APP: variants seen among roughly 807,000 people sequenced by gnomAD.
APP encodes the protein amyloid-beta precursor protein.
A neutral mutation model predicts 101.4 loss-of-function variants in APP; 31 were observed. The ratio of observed to expected loss-of-function variants is 0.31; its 90% CI spans 0.23 to 0.41. APP has a LOEUF of 0.41. Ranked by LOEUF, APP falls within the 10% of genes least tolerant of loss-of-function variation. The probability of loss-of-function intolerance (pLI) is 1.00; values close to 1 mark genes in which losing one functional copy is unlikely to be tolerated. For synonymous variants in APP, 366 were observed against 364.4 expected (o/e 1.00, Z -0.05); for missense variants, 839 against 1,003.7 (o/e 0.84, Z 2.22).
At chr21:26,121,410 C>CG (rs1055918342) in intron 1 of APP, among the ~76,000 whole-genome samples, 1 of 151,392 alleles carries the variant, frequency 6.6e-6, no homozygotes, top group Non-Finnish European at 1.5e-5. Flanking sequence ...TTTTTGGAGA[C>CG]GGAGTCTCAC....
At chr21:26,023,627 C>T (rs2044445031) in intron 5 of APP, among the ~76,000 whole-genome samples, 1 of 152,118 alleles carries the variant, frequency 6.6e-6, no homozygotes, top group Admixed American at 6.6e-5. Flanking sequence ...TGCTTGAGCC[C>T]AGGAGTTCGA....
chr21:26,141,848 G>A (rs1043249972), intron 1 of APP, among the ~76,000 whole-genome samples: 1 of 152,196 alleles, frequency 6.6e-6, no homozygotes, highest in African/African-American at 2.4e-5. Context: ...TTTCACAAAT[G>A]AAGCATTCAA....
intron 3 of APP, among the ~76,000 whole-genome samples, chr21:26,077,416 C>T (rs1390806217): frequency 2.0e-5 from 3 of 152,102 alleles, no homozygotes; most frequent in South Asian, 2.1e-4. Context: ...CATACTTAGG[C>T]GTATTTTTAT....
chr21:26,053,139 C>A (rs1031605039), intron 4 of APP, 97 bp downstream of exon 4: 5 of 919,348 alleles, frequency 5.4e-6, no homozygotes, highest in Non-Finnish European at 9.1e-6. Context: ...AATAACTTAT[C>A]AACATAGCTG....
chr21:25,988,702 C>CAAAAAAAAAAAAAAA lies in APP; in HGVS notation c.1091-6240_1091-6226dup, dbSNP rs537417600. Among the ~76,000 whole-genome samples, 69 of 62,338 alleles carry CAAAAAAAAAAAAAAA rather than the reference C, an allele frequency of 1.1e-3. 2 individuals are homozygous for CAAAAAAAAAAAAAAA. The highest frequency in any genetic ancestry group is 9.3e-3 in the Middle Eastern group (1 of 108). The allele number at this position is 62,338 out of a possible 152,430, so 40.9% of individuals were successfully genotyped here. ...GGGTGATAACAGCGAAACTCTGTCTCAAAAAAAAAAAAAAAAAAAAAGGAG... is the reference window on the plus strand; with the variant it reads ...GGGTGATAACAGCGAAACTCTGTCTCAAAAAAAAAAAAAAAAAAAAAAAAAAAAAAAAAAAAGGAG... On this transcript the variant is annotated intron_variant, in intron 8 of 17. Transcript: ENST00000346798.
Position 25,975,098 on chromosome 21 carries a change from A to T in APP, c.1430T>A (p.Ile477Asn). 1 of 1,613,930 alleles carries T rather than the reference A, an allele frequency of 6.2e-7. No individual in the cohort carries two copies. The highest frequency in any genetic ancestry group is 1.1e-5 in the South Asian group (1 of 91,060). Residue 477 changes from isoleucine to asparagine, a missense_variant, in exon 11 of 18, where the codon ATC (isoleucine) becomes AAC (asparagine). Transcript: ENST00000346798. ...AGGAGGAACAGCCTGCAGAGCGGTG[A>T]TGTAGTTCTCCAGGGCCAGGCGGCG... is the stretch of plus-strand genomic sequence containing the variant. ...DRRRLALENY[I>N]TALQAVPPRP...
chr21:25,976,396 T>G (rs1188621294), intron 9 of APP, among the ~76,000 whole-genome samples: 2 of 152,158 alleles, frequency 1.3e-5, no homozygotes, highest in African/African-American at 4.8e-5. Context: ...ACACCTAAGT[T>G]TTACTCTCTT....
intron 3 of APP, chr21:26,068,271 A>G (rs1287199908): frequency 6.6e-6 from 1 of 152,136 alleles, no homozygotes; most frequent in Non-Finnish European, 1.5e-5. Flanking sequence ...CCTTGCTCCA[A>G]CAATCTGCAA....
chr21:25,975,252 C>T (rs1311110640), intron 10 of APP, 24 bp from the exon 11 acceptor site: 1 of 1,614,104 alleles, frequency 6.2e-7, no homozygotes, highest in Non-Finnish European at 8.5e-7. Context: ...CACATATGTC[C>T]ATGGGGACTG....
At chr21:26,141,590 C>T (rs1052051457) in intron 1 of APP, among the ~76,000 whole-genome samples, 2 of 152,130 alleles carry the variant, frequency 1.3e-5, no homozygotes, top group African/African-American at 4.8e-5. Context: ...ATGAACAGAG[C>T]CTCTGAAAAC....
chr21:26,119,237 T>G (rs937128078), intron 1 of APP, among the ~76,000 whole-genome samples: 1 of 152,218 alleles, frequency 6.6e-6, no homozygotes, highest in Non-Finnish European at 1.5e-5. Context: ...ATCTTGAATA[T>G]TATTTTCAAG....
intron 5 of APP, among the ~76,000 whole-genome samples, chr21:26,041,286 G>T (rs1427599908): frequency 6.6e-6 from 1 of 152,156 alleles, no homozygotes; most frequent in Non-Finnish European, 1.5e-5. Context: ...TGTCACAATG[G>T]AGAGTCCTAT....
Position 26,053,494 on chromosome 21 carries a change from G to C in APP, c.356-146C>G, listed in dbSNP as rs796303639. 1.4e-5 allele frequency: 9 copies of C among 647,362 alleles called. No homozygotes were observed. In the African/African-American group the frequency reaches 1.4e-4, roughly 10 times the overall value. The allele number at this position is 647,362 out of a possible 1,614,324, so 40.1% of individuals were successfully genotyped here. On this transcript the variant is annotated intron_variant, in intron 3 of 17. Coordinates refer to ENST00000346798, the MANE Select transcript of APP (RefSeq NM_000484.4). Reference sequence around the variant, plus strand: ...CCCAATCAAGACCCTACTACCTTTAGAATGTTACGTCTGGCCTCCTTAAGC... The same window carrying C: ...CCCAATCAAGACCCTACTACCTTTACAATGTTACGTCTGGCCTCCTTAAGC...
chr21:25,976,100 T>A, intron 9 of APP, 72 bp from the exon 10 acceptor site: 1 of 1,256,772 alleles, frequency 8.0e-7, no homozygotes, highest in South Asian at 1.2e-5. Flanking sequence ...ATAGGATGGA[T>A]GATTATGTTT....
intron 1 of APP, chr21:26,140,269 A>G (rs2063014805): frequency 2.0e-6 from 3 of 1,535,910 alleles, no homozygotes; most frequent in Non-Finnish European, 2.6e-6. Flanking sequence ...TGAGATCAAC[A>G]AACTGTTAAC....
chr21:25,945,845 T>C, intron 13 of APP: 3 of 453,404 alleles, frequency 6.6e-6, no homozygotes, highest in Non-Finnish European at 1.3e-5. Flanking sequence ...GATGTTATCA[T>C]GCCTGGATAA....
chr21:26,036,542 AGAAGT>A (rs901627908), intron 5 of APP, among the ~76,000 whole-genome samples: 81 of 152,308 alleles, frequency 5.3e-4, no homozygotes, highest in African/African-American at 1.8e-3. Flanking sequence ...GGTTATGAAG[AGAAGT>A]ACTATCTTAC....
At chr21:25,970,514 G>A (rs187956436) in intron 11 of APP, among the ~76,000 whole-genome samples, 11 of 152,168 alleles carry the variant, frequency 7.2e-5, no homozygotes, top group Admixed American at 4.6e-4. Context: ...TCCTGAAAGC[G>A]TGTTCTCCAA....
At chr21:26,089,906 C>T (rs760958752) in intron 3 of APP, 37 bp downstream of exon 3, 3 of 1,613,154 alleles carry the variant, frequency 1.9e-6, no homozygotes, top group African/African-American at 1.3e-5. Context: ...AAGACCAGGC[C>T]CCCAATCAAC....
Sources: gnomAD v4.1 joint callset for allele counts (sites outside exome capture counted in the v4.1 genomes callset) on GRCh38, gnomAD v4.1.1 for gene constraint, MANE v1.5 for transcripts, NCBI Gene and HGNC (gene_info 2026-07-23, HGNC 2026-07-21) for gene names.